The following COL19A1 variants were observed in gnomAD, a reference collection of about 807,000 sequenced individuals.
COL19A1 encodes collagen type XIX alpha 1 chain.
In COL19A1, 159 loss-of-function variants were observed where a neutral mutation model predicts 190.2. The observed-to-expected ratio is 0.84, with a 90% CI of 0.73 to 0.95. COL19A1 has a LOEUF of 0.95. Among genes scored for constraint, COL19A1 ranks in the 40% least tolerant of loss-of-function variants. The pLI, the probability that COL19A1 is intolerant of heterozygous loss-of-function variation, is 0.00. For synonymous variants in COL19A1, 509 were observed against 458.9 expected (o/e 1.11, Z -1.39); for missense variants, 1,418 against 1,431.9 (o/e 0.99, Z 0.16).
At chr6:70,105,591 A>G (rs930089255) in intron 16 of COL19A1, among the ~76,000 whole-genome samples, 1 of 152,210 alleles carries the variant, frequency 6.6e-6, no homozygotes, top group Non-Finnish European at 1.5e-5. Context: ...TTTTAGATCA[A>G]AACATTATTG....
Position 70,035,927 on chromosome 6 carries a change from A to G in COL19A1, c.1158A>G (p.Pro386=). 1.2e-6 allele frequency: 2 copies of G among 1,613,568 alleles called. No homozygotes were observed. The highest frequency in any genetic ancestry group is 2.2e-5 in the East Asian group (1 of 44,852). Residue 386 remains proline (P), a synonymous_variant, in exon 14 of 51, where the codon CCA becomes CCG. Transcript: ENST00000620364. ...GEKGDTGPPG[P]PALPGSLGIQ... ...AGGGAGATACAGGACCCCCAGGACC[A>G]CCAGCCTTACCTGTAAGTATTCTTG... is the stretch of plus-strand genomic sequence containing the variant.
intron 35 of COL19A1, among the ~76,000 whole-genome samples, chr6:70,162,413 C>T (rs1428296051): frequency 2.0e-5 from 3 of 152,056 alleles, no homozygotes; most frequent in African/African-American, 7.2e-5. Context: ...TTTCACTGCC[C>T]CTCAAACACA....
chr6:70,029,433 A>C (rs1248105028), intron 12 of COL19A1, among the ~76,000 whole-genome samples: 2 of 152,076 alleles, frequency 1.3e-5, no homozygotes, highest in African/African-American at 4.8e-5. Context: ...TGCTTTTGGG[A>C]ATCTTTATGT....
intron 15 of COL19A1, among the ~76,000 whole-genome samples, chr6:70,093,550 G>A (rs942554885): frequency 6.6e-6 from 1 of 151,950 alleles, no homozygotes; most frequent in Non-Finnish European, 1.5e-5. Flanking sequence ...GTGAGGGCAA[G>A]CAGAAATCAG....
At chr6:69,949,563 G>A (rs2150033451) in intron 9 of COL19A1, among the ~76,000 whole-genome samples, 1 of 151,826 alleles carries the variant, frequency 6.6e-6, no homozygotes, top group East Asian at 1.9e-4. Context: ...TCCTCATGAG[G>A]TTTATGTTTG....
At chr6:70,185,895 T>A (rs1766482997) in intron 46 of COL19A1, among the ~76,000 whole-genome samples, 2 of 152,128 alleles carry the variant, frequency 1.3e-5, no homozygotes, top group Non-Finnish European at 2.9e-5. Flanking sequence ...TGATGTAAAT[T>A]TAAAAGGAAA....
At chr6:69,995,151 A>G in intron 11 of COL19A1, among the ~76,000 whole-genome samples, 1 of 152,184 alleles carries the variant, frequency 6.6e-6, no homozygotes, top group East Asian at 1.9e-4. Flanking sequence ...TGGGAGGGTG[A>G]GTTGTGGCAT....
chr6:70,144,206 C>A lies in COL19A1; in HGVS notation c.1627-4C>A. ...CTCTTTCCTATTAACTCTGAGTTTT[C>A]TAGGGATTGCCAGGAGAACATGGTA... On this transcript the variant is annotated splice_region_variant and splice_polypyrimidine_tract_variant and intron_variant, in intron 23 of 50. Transcript: ENST00000620364. 1 of 1,611,498 alleles carries A rather than the reference C, an allele frequency of 6.2e-7. No individual in the cohort carries two copies. Among genetic ancestry groups the A allele is most frequent in the Non-Finnish European group, 8.5e-7 (1 of 1,178,278 alleles).
intron 16 of COL19A1, among the ~76,000 whole-genome samples, chr6:70,103,999 GCCT>G (rs1387284168): frequency 6.6e-6 from 1 of 152,082 alleles, no homozygotes; most frequent in Non-Finnish European, 1.5e-5. Flanking sequence ...CCACTAGAGG[GCCT>G]CAACCCAGTA....
At chr6:70,193,071 A>G (rs962931257) in intron 48 of COL19A1, among the ~76,000 whole-genome samples, 6 of 151,636 alleles carry the variant, frequency 4.0e-5, no homozygotes, top group Admixed American at 1.3e-4. Flanking sequence ...GCTGATTAAG[A>G]ATGTCAGAAA....
chr6:70,159,734 T>G (rs1299248818), intron 34 of COL19A1, among the ~76,000 whole-genome samples: 1 of 152,090 alleles, frequency 6.6e-6, no homozygotes, highest in Non-Finnish European at 1.5e-5. Flanking sequence ...CAGTAATGTT[T>G]CCATGGCCAC....
At chr6:69,942,790 C>G (rs1773558153) in intron 9 of COL19A1, among the ~76,000 whole-genome samples, 1 of 149,196 alleles carries the variant, frequency 6.7e-6, no homozygotes, top group South Asian at 2.1e-4. Flanking sequence ...TTTTCTTTAT[C>G]CATTTATTAA....
At chr6:70,010,036 A>G (rs1291243608) in intron 11 of COL19A1, among the ~76,000 whole-genome samples, 2 of 152,216 alleles carry the variant, frequency 1.3e-5, no homozygotes, top group African/African-American at 4.8e-5. Flanking sequence ...TAGGTTAGGC[A>G]TAGGTTTTTA....
intron 4 of COL19A1, among the ~76,000 whole-genome samples, chr6:69,909,399 T>A (rs150622600): frequency 3.3e-5 from 5 of 152,238 alleles, no homozygotes; most frequent in Non-Finnish European, 5.9e-5. Context: ...ATTATAAGCA[T>A]ACAGTTAATG....
intron 18 of COL19A1, among the ~76,000 whole-genome samples, chr6:70,136,892 A>G (rs754105290): frequency 3.8e-4 from 58 of 151,978 alleles, no homozygotes; most frequent in African/African-American, 1.1e-3. Context: ...GAAGTTAGGG[A>G]AAAAAAATCA....
intron 11 of COL19A1, among the ~76,000 whole-genome samples, chr6:69,998,023 T>A (rs1777022365): frequency 6.6e-6 from 1 of 151,972 alleles, no homozygotes; most frequent in Admixed American, 6.6e-5. Context: ...AATAAGAATA[T>A]AGCAATTTCA....
At chr6:69,957,723 C>T (rs964877283) in intron 9 of COL19A1, among the ~76,000 whole-genome samples, 3 of 152,074 alleles carry the variant, frequency 2.0e-5, no homozygotes, top group African/African-American at 7.2e-5. Flanking sequence ...AGCAGGAGTT[C>T]AGAAAAGAAA....
chr6:70,025,537 C>T (rs536910479), intron 12 of COL19A1, among the ~76,000 whole-genome samples: 1 of 152,304 alleles, frequency 6.6e-6, no homozygotes, highest in South Asian at 2.1e-4. Context: ...TGTGAGGATG[C>T]TTGTCCTTCC....
chr6:70,128,757 A>G (rs1252662317), intron 17 of COL19A1, among the ~76,000 whole-genome samples: 1 of 152,234 alleles, frequency 6.6e-6, no homozygotes, highest in Non-Finnish European at 1.5e-5. Flanking sequence ...GTTTTTAAGT[A>G]TTGATGTAAG....
Sources: allele counts gnomAD v4.1 joint callset (sites outside exome capture counted in the v4.1 genomes callset), GRCh38; gene constraint gnomAD v4.1.1; transcripts MANE v1.5; gene names NCBI Gene and HGNC (gene_info 2026-07-23, HGNC 2026-07-21).